SLAMF7: variants seen among roughly 807,000 people sequenced by gnomAD.
SLAMF7 encodes SLAM family member 7.
A neutral mutation model predicts 34.1 loss-of-function variants in SLAMF7; 26 were observed. That is an observed-to-expected ratio of 0.76 (90% CI 0.56 to 1.06). The LOEUF is 1.06. SLAMF7 is among the 50% of genes least tolerant of loss of function. SLAMF7 has a pLI of 0.00. For synonymous variants in SLAMF7, 171 were observed against 156.4 expected (o/e 1.09, Z -0.70); for missense variants, 399 against 402.5 (o/e 0.99, Z 0.07).
intron 1 of SLAMF7, chr1:160,739,837 T>C (rs1225207463): frequency 6.4e-6 from 1 of 155,274 alleles, no homozygotes; most frequent in Non-Finnish European, 1.4e-5. Context: ...TGAATTTTCT[T>C]TCCTTACTCA....
intron 4 of SLAMF7, 29 bp from the exon 5 acceptor site, chr1:160,751,316 G>A (rs1321114988): frequency 1.3e-6 from 2 of 1,515,704 alleles, no homozygotes; most frequent in Admixed American, 1.7e-5. Flanking sequence ...TGGAGAGGTG[G>A]CTTTGATTCT....
Position 160,754,180 on chromosome 1 carries a change from G to C in SLAMF7, c.*1003G>C, listed in dbSNP as rs1363833765. ...ATTAAGAACCTATGCGGCCCGGCAT[G>C]GTGGCTCACACCTGTAATCCCAGCA... On this transcript the variant is annotated 3_prime_UTR_variant, in exon 7 of 7. Coordinates refer to ENST00000368043, the MANE Select transcript of SLAMF7 (RefSeq NM_021181.5). The C allele has an allele frequency of 6.6e-6, 1 of 152,240 alleles. No homozygotes were observed. The highest frequency in any genetic ancestry group is 1.5e-5 in the Non-Finnish European group (1 of 68,106). 9.4% of individuals were successfully genotyped at this position (152,240 alleles called of 1,614,324 possible). A position where few individuals can be genotyped will look rare whatever the true frequency, so the allele number is the denominator to read the frequency against.
intron 1 of SLAMF7, among the ~76,000 whole-genome samples, chr1:160,746,897 C>T (rs1385123230): frequency 6.6e-6 from 1 of 152,088 alleles, no homozygotes; most frequent in Non-Finnish European, 1.5e-5. Context: ...TCTCGTGTCT[C>T]ATTAGCATCT....
In SLAMF7 at chr1:160,753,454, A is replaced by G; in HGVS notation, c.*277A>G. 6.4e-6 allele frequency: 3 copies of G among 466,804 alleles called. No homozygotes were observed. Among genetic ancestry groups the G allele is most frequent in the Non-Finnish European group, 1.2e-5 (3 of 260,172 alleles). 28.9% of individuals were successfully genotyped at this position (466,804 alleles called of 1,614,324 possible). Reference sequence around the variant, plus strand: ...GCAAACCATAAAAAAAGTGCTTAGAAGTATTCCTATAAAAATGTAAATGCA... The same window carrying G: ...GCAAACCATAAAAAAAGTGCTTAGAGGTATTCCTATAAAAATGTAAATGCA... On this transcript the variant is annotated 3_prime_UTR_variant, in exon 7 of 7. Coordinates refer to ENST00000368043, the MANE Select transcript of SLAMF7 (RefSeq NM_021181.5).
rs1558062536 is a variant in SLAMF7, at chr1:160,753,438, A to T, written c.*261A>T. 4.1e-6 allele frequency: 2 copies of T among 488,566 alleles called. No individual in the cohort carries two copies. Among genetic ancestry groups the T allele is most frequent in the Admixed American group, 3.5e-5 (1 of 28,440 alleles). 30.3% of individuals were successfully genotyped at this position (488,566 alleles called of 1,614,324 possible). A position where few individuals can be genotyped will look rare whatever the true frequency, so the allele number is the denominator to read the frequency against. Reference sequence around the variant, plus strand: ...GGGATTGTGAATGTCAGCAAACCATAAAAAAAGTGCTTAGAAGTATTCCTA... The same window carrying T: ...GGGATTGTGAATGTCAGCAAACCATTAAAAAAGTGCTTAGAAGTATTCCTA... On this transcript the variant is annotated 3_prime_UTR_variant, in exon 7 of 7. Coordinates refer to ENST00000368043, the MANE Select transcript of SLAMF7 (RefSeq NM_021181.5).
chr1:160,742,514 T>C (rs757486070), intron 1 of SLAMF7, among the ~76,000 whole-genome samples: 27 of 152,238 alleles, frequency 1.8e-4, no homozygotes, highest in Non-Finnish European at 3.2e-4. Context: ...CTGACTCTCA[T>C]GCTCTCATTT....
Position 160,750,384 on chromosome 1 carries a change from G to T in SLAMF7, c.730G>T (p.Gly244Trp), listed in dbSNP as rs1468855584. 1 of 1,614,010 alleles carries T rather than the reference G, an allele frequency of 6.2e-7. No homozygotes were observed. Among genetic ancestry groups the T allele is most frequent in the South Asian group, 1.1e-5 (1 of 91,076 alleles). ...CCTCCTGCTCAGTCTCTTTGTACTG[G>T]GGCTATTTCTTTGGTTTCTGAAGAG... ...VPLLLSLFVL[G>W]LFLWFLKRER... Residue 244 changes from glycine (G) to tryptophan (W), a missense_variant, in exon 4 of 7, where the codon GGG becomes TGG. Transcript: ENST00000368043.
chr1:160,741,810 T>C (rs1334890088), intron 1 of SLAMF7, among the ~76,000 whole-genome samples: 7 of 152,180 alleles, frequency 4.6e-5, no homozygotes, highest in Non-Finnish European at 8.8e-5. Context: ...TGGCTCCTAA[T>C]CCTGGCCTTC....
At chr1:160,744,151 A>G (rs1231391698) in intron 1 of SLAMF7, among the ~76,000 whole-genome samples, 1 of 152,256 alleles carries the variant, frequency 6.6e-6, no homozygotes, top group African/African-American at 2.4e-5. Context: ...GAATCTGACA[A>G]GTGTGACCTG....
In SLAMF7 at chr1:160,753,093, T is replaced by C. The variant is rs1363873172; in HGVS notation, c.937-13T>C. 1 of 1,613,486 alleles carries C rather than the reference T, an allele frequency of 6.2e-7. No homozygotes were observed. Reference sequence around the variant, plus strand: ...CACCTCCCTCACTCTACTTTCTTTTTGTCTGTCTTCAGATGGAAAATCCCC... The same window carrying C: ...CACCTCCCTCACTCTACTTTCTTTTCGTCTGTCTTCAGATGGAAAATCCCC... On this transcript the variant is annotated splice_polypyrimidine_tract_variant and intron_variant, in intron 6 of 6. Transcript: ENST00000368043.
rs138576709 is a variant in SLAMF7, at chr1:160,748,365, G to T, written c.227G>T (p.Arg76Leu). The T allele has an allele frequency of 1.5e-4, 246 of 1,613,912 alleles. 1 individual carries two copies. Among genetic ancestry groups the T allele is most frequent in the Non-Finnish European group, 3.3e-5 (39 of 1,179,958 alleles). The part of the protein sequence containing the change: ...EGGTIIVTQN[R>L]NRERVDFPDG... ...GGCACTATCATAGTGACCCAAAATC[G>T]TAATAGGGAGAGAGTAGACTTCCCA... Residue 76 changes from arginine (R) to leucine (L), a missense_variant, in exon 2 of 7, where the codon CGT becomes CTT. Coordinates refer to ENST00000368043, the MANE Select transcript of SLAMF7 (RefSeq NM_021181.5).
Position 160,751,380 on chromosome 1 carries a change from C to T in SLAMF7, c.805C>T (p.Arg269Trp), listed in dbSNP as rs34099422. 1.3e-4 allele frequency: 213 copies of T among 1,613,872 alleles called. 1 individual carries two copies. The African/African-American group carries it at 2.5e-3, about 19-fold the overall frequency. The change falls in exon 5 of 7, where the codon CGG becomes TGG. Residue 269 changes from arginine (R) to tryptophan (W), a missense_variant. Arg to Trp is a moderately radical substitution (Grantham distance 101). Coordinates refer to ENST00000368043, the MANE Select transcript of SLAMF7 (RefSeq NM_021181.5). ...IEEKKRVDIC[R>W]ETPNICPHSG... Reference sequence around the variant, plus strand: ...AGAGAAGAAGAGAGTGGACATTTGTCGGGAAACTCCTAACATATGCCCCCA... The same window carrying T: ...AGAGAAGAAGAGAGTGGACATTTGTTGGGAAACTCCTAACATATGCCCCCA...
At chr1:160,742,494 T>A (rs1275253256) in intron 1 of SLAMF7, among the ~76,000 whole-genome samples, 3 of 152,186 alleles carry the variant, frequency 2.0e-5, no homozygotes, top group Non-Finnish European at 2.9e-5. Context: ...ATGGGAAGCC[T>A]CCTCAAGGCC....
intron 1 of SLAMF7, among the ~76,000 whole-genome samples, chr1:160,741,069 G>A (rs1391752643): frequency 6.6e-6 from 1 of 152,172 alleles, no homozygotes; most frequent in Admixed American, 6.5e-5. Flanking sequence ...ATAAATCTGA[G>A]GTAGAAACTG....
chr1:160,744,439 T>C (rs760576575), intron 1 of SLAMF7, among the ~76,000 whole-genome samples: 8 of 152,178 alleles, frequency 5.3e-5, no homozygotes, highest in Admixed American at 6.5e-5. Flanking sequence ...AACAATATAC[T>C]CCATCTATAG....
intron 1 of SLAMF7, among the ~76,000 whole-genome samples, chr1:160,742,565 C>T (rs956128715): frequency 7.2e-5 from 11 of 152,216 alleles, no homozygotes; most frequent in Admixed American, 2.0e-4. Context: ...CGTTAGGCTA[C>T]TCTGTACTTC....
intron 1 of SLAMF7, among the ~76,000 whole-genome samples, chr1:160,744,038 A>T (rs1310480608): frequency 1.3e-5 from 2 of 152,144 alleles, no homozygotes; most frequent in East Asian, 3.8e-4. Context: ...ACTATCTACC[A>T]ACTCCGTAAG....
At chr1:160,749,426 C>T (rs758972196) in intron 2 of SLAMF7, among the ~76,000 whole-genome samples, 5 of 148,534 alleles carry the variant, frequency 3.4e-5, no homozygotes, top group Non-Finnish European at 7.6e-5. Flanking sequence ...ACAATTTTCT[C>T]CTAGAGAGTA....
Position 160,753,173 on chromosome 1 carries a change from T to C in SLAMF7, c.1004T>C (p.Ile335Thr), listed in dbSNP as rs1268031370. 14 of 1,612,172 alleles carry C rather than the reference T, an allele frequency of 8.7e-6. No individual in the cohort carries two copies. The highest frequency in any genetic ancestry group is 1.2e-5 in the Non-Finnish European group (14 of 1,179,638). ...AGGCTATTTGCCTATGAGAATGTTA[T>C]CTAGACAGCAGTGCACTCCCCTAAG... is the stretch of plus-strand genomic sequence containing the variant. ...TPRLFAYENVI is the reference protein window; with the variant it reads ...TPRLFAYENVT Residue 335 changes from isoleucine (I) to threonine (T), a missense_variant, in exon 7 of 7, where the codon ATC becomes ACC. Transcript: ENST00000368043.
Sources: allele counts gnomAD v4.1 joint callset (sites outside exome capture counted in the v4.1 genomes callset), GRCh38; gene constraint gnomAD v4.1.1; transcripts MANE v1.5; gene names NCBI Gene and HGNC (gene_info 2026-07-23, HGNC 2026-07-21).